ANO6: variants seen among roughly 807,000 people sequenced by gnomAD.
ANO6 encodes the protein anoctamin-6.
In ANO6, 106 loss-of-function variants were observed where a neutral mutation model predicts 117.5. The observed-to-expected ratio is 0.90, with a 90% CI of 0.77 to 1.06. ANO6 has a LOEUF of 1.06. Among genes scored for constraint, ANO6 ranks in the 50% least tolerant of loss-of-function variants. ANO6 has a pLI of 0.00. For synonymous variants in ANO6, 367 were observed against 385.1 expected, an observed-to-expected ratio of 0.95 and a Z score of 0.55; for missense variants, 955 against 1,121.1, an observed-to-expected ratio of 0.85 and a Z score of 2.12.
chr12:45,403,577 G>A (rs1942855183), intron 15 of ANO6, 41 bp downstream of exon 15: 2 of 1,521,826 alleles, frequency 1.3e-6, no homozygotes, highest in Non-Finnish European at 1.8e-6. Flanking sequence ...AAGGACAAGG[G>A]ATAGAACAGC....
At chr12:45,394,613 A>C (rs2137599165) in intron 12 of ANO6, among the ~76,000 whole-genome samples, 1 of 152,356 alleles carries the variant, frequency 6.6e-6, no homozygotes, top group Admixed American at 6.5e-5. Context: ...TCCTCAGCAA[A>C]TGTGAAAGAA....
At chr12:45,310,165 G>T (rs1939803520) in intron 2 of ANO6, among the ~76,000 whole-genome samples, 1 of 152,096 alleles carries the variant, frequency 6.6e-6, no homozygotes, top group South Asian at 2.1e-4. Flanking sequence ...ATGAGCAAAA[G>T]TGCAGCAGTT....
intron 16 of ANO6, among the ~76,000 whole-genome samples, chr12:45,411,411 GA>G (rs1232489623): frequency 6.6e-6 from 1 of 152,194 alleles, no homozygotes; most frequent in African/African-American, 2.4e-5. Flanking sequence ...CTTGATTTCT[GA>G]ATTTCTGGGA....
chr12:45,394,549 C>T (rs1382090340), intron 12 of ANO6, among the ~76,000 whole-genome samples: 2 of 152,226 alleles, frequency 1.3e-5, no homozygotes, highest in African/African-American at 2.4e-5. Flanking sequence ...ACATTCTTCT[C>T]AGCACCACAT....
intron 1 of ANO6, among the ~76,000 whole-genome samples, chr12:45,233,949 A>G (rs1187011076): frequency 1.3e-5 from 2 of 152,234 alleles, no homozygotes; most frequent in Non-Finnish European, 2.9e-5. Context: ...GTAGTAATCT[A>G]GTGTATTGGA....
At chr12:45,415,456 C>T (rs1040207376) in intron 16 of ANO6, among the ~76,000 whole-genome samples, 7 of 152,198 alleles carry the variant, frequency 4.6e-5, no homozygotes, top group African/African-American at 1.2e-4. Flanking sequence ...ATAGGACACA[C>T]GCTTGCTAGT....
intron 1 of ANO6, among the ~76,000 whole-genome samples, chr12:45,242,530 G>T (rs1349211640): frequency 6.6e-6 from 1 of 152,250 alleles, no homozygotes; most frequent in African/African-American, 2.4e-5. Flanking sequence ...TGTGCTTCCT[G>T]GGTGAGGCGA....
At chr12:45,222,429 G>C (rs1947418235) in intron 1 of ANO6, among the ~76,000 whole-genome samples, 1 of 152,034 alleles carries the variant, frequency 6.6e-6, no homozygotes, top group Admixed American at 6.6e-5. Flanking sequence ...CCAAAGTGCT[G>C]AGCAGGCGTG....
At chr12:45,263,934 G>T (rs773506891) in intron 1 of ANO6, among the ~76,000 whole-genome samples, 2 of 152,166 alleles carry the variant, frequency 1.3e-5, no homozygotes, top group East Asian at 1.9e-4. Flanking sequence ...CCCTTTAAAC[G>T]TATCTGTTCA....
At chr12:45,224,557 A>G (rs953109566) in intron 1 of ANO6, among the ~76,000 whole-genome samples, 2 of 152,180 alleles carry the variant, frequency 1.3e-5, no homozygotes, top group African/African-American at 4.8e-5. Flanking sequence ...TTTCAGTTTC[A>G]AGTCCACAGA....
chr12:45,347,149 T>C, intron 4 of ANO6, 62 bp downstream of exon 4: 2 of 1,493,390 alleles, frequency 1.3e-6, no homozygotes, highest in Non-Finnish European at 1.9e-6. Flanking sequence ...TTCGTGCCAC[T>C]TGGAATACTT....
At chr12:45,264,901 C>G (rs984719557) in intron 1 of ANO6, among the ~76,000 whole-genome samples, 5 of 152,156 alleles carry the variant, frequency 3.3e-5, no homozygotes, top group African/African-American at 1.2e-4. Context: ...GCTGTGAGCT[C>G]CAATATCAAG....
intron 10 of ANO6, among the ~76,000 whole-genome samples, chr12:45,380,242 A>C (rs1042644496): frequency 6.6e-6 from 1 of 152,214 alleles, no homozygotes; most frequent in Non-Finnish European, 1.5e-5. Flanking sequence ...CCCATGGTTG[A>C]AGTAAAGGTT....
chr12:45,238,977 A>G (rs963272659), intron 1 of ANO6, among the ~76,000 whole-genome samples: 1 of 152,228 alleles, frequency 6.6e-6, no homozygotes, highest in African/African-American at 2.4e-5. Flanking sequence ...ATCGATGTTC[A>G]TCAGGGATAT....
intron 1 of ANO6, among the ~76,000 whole-genome samples, chr12:45,285,253 G>GC (rs1380534299): frequency 6.6e-6 from 1 of 152,134 alleles, no homozygotes; most frequent in African/African-American, 2.4e-5. Context: ...CCATCACCAT[G>GC]CCCCACCCCA....
intron 18 of ANO6, among the ~76,000 whole-genome samples, chr12:45,421,626 T>C (rs955652437): frequency 2.0e-5 from 3 of 152,142 alleles, no homozygotes; most frequent in East Asian, 3.9e-4. Flanking sequence ...GTCATAGAAA[T>C]AGAGAAACTT....
At chr12:45,383,991 T>C (rs1049160992) in intron 10 of ANO6, among the ~76,000 whole-genome samples, 1 of 152,232 alleles carries the variant, frequency 6.6e-6, no homozygotes, top group Non-Finnish European at 1.5e-5. Context: ...TGGGAGGCTA[T>C]TTCATCTACC....
chr12:45,361,181 T>TCC (rs61223898), intron 8 of ANO6, among the ~76,000 whole-genome samples: 2 of 152,100 alleles, frequency 1.3e-5, no homozygotes, highest in African/African-American at 4.8e-5. Context: ...GAACACAGGA[T>TCC]GTCTTTTCAT....
intron 3 of ANO6, among the ~76,000 whole-genome samples, chr12:45,332,600 A>G (rs1322301296): frequency 1.3e-5 from 2 of 152,064 alleles, no homozygotes; most frequent in African/African-American, 2.4e-5. Flanking sequence ...GTAACAAACA[A>G]GCTCCCAGAT....
Sources: allele counts gnomAD v4.1 joint callset (sites outside exome capture counted in the v4.1 genomes callset), GRCh38; gene constraint gnomAD v4.1.1; transcripts MANE v1.5; gene names NCBI Gene and HGNC (gene_info 2026-07-23, HGNC 2026-07-21).